The following HIPK3 variants were observed in gnomAD, a reference collection of about 807,000 sequenced individuals.
HIPK3 encodes the protein homeodomain-interacting protein kinase 3.
HIPK3 carries 47 observed loss-of-function variants against 124.2 expected under a neutral mutation model. The ratio of observed to expected loss-of-function variants is 0.38; its 90% CI spans 0.30 to 0.48. The LOEUF (loss-of-function observed/expected upper bound fraction) is 0.48, where lower values mean the gene tolerates loss of function less well. HIPK3 is among the 20% of genes least tolerant of loss of function. The probability of loss-of-function intolerance (pLI) is 0.98; values close to 1 mark genes in which losing one functional copy is unlikely to be tolerated. For missense variants in HIPK3, 1,286 were observed against 1,454.3 expected (o/e 0.88, Z 1.88); for synonymous variants, 482 against 515.2 (o/e 0.94, Z 0.87).
intron 1 of HIPK3, chr11:33,258,659 T>C (rs895488658): frequency 1.9e-5 from 19 of 985,220 alleles, no homozygotes; most frequent in Non-Finnish European, 2.2e-5. Flanking sequence ...TGTCTGTTTC[T>C]CTGTCGGGAG....
chr11:33,305,609 T>A (rs1852133790), intron 2 of HIPK3, among the ~76,000 whole-genome samples: 1 of 152,172 alleles, frequency 6.6e-6, no homozygotes, highest in Non-Finnish European at 1.5e-5. Context: ...GCTAATAAAC[T>A]GCAGAGCTAT....
intron 2 of HIPK3, among the ~76,000 whole-genome samples, chr11:33,300,021 CAAAAA>C (rs58435948): frequency 0.65 from 61,774 of 94,326 alleles, 17,829 homozygotes; most frequent in Middle Eastern, 0.68. Context: ...GACCCTGTCT[CAAAAA>C]AAAAAAAAAA....
intron 2 of HIPK3, among the ~76,000 whole-genome samples, chr11:33,314,963 G>A (rs1180694615): frequency 2.6e-5 from 4 of 151,956 alleles, no homozygotes. Flanking sequence ...ATTTTGTTAT[G>A]TCATACAATA....
chr11:33,334,507 T>C (rs1373861599), intron 3 of HIPK3, among the ~76,000 whole-genome samples: 8 of 152,168 alleles, frequency 5.3e-5, no homozygotes, highest in Admixed American at 5.2e-4. Flanking sequence ...TTGGAGGGCC[T>C]GTTTGCTAGG....
chr11:33,325,058 C>G (rs1852771364), intron 2 of HIPK3, among the ~76,000 whole-genome samples: 1 of 152,158 alleles, frequency 6.6e-6, no homozygotes, highest in Admixed American at 6.5e-5. Flanking sequence ...ACTTTTGTAT[C>G]TCAGGTTTTA....
intron 1 of HIPK3, among the ~76,000 whole-genome samples, chr11:33,267,707 C>T (rs1172807848): frequency 6.7e-6 from 1 of 149,306 alleles, no homozygotes; most frequent in Non-Finnish European, 1.5e-5. Flanking sequence ...TGTGTTAGCC[C>T]GGCTGGTCTC....
At chr11:33,298,887 C>T (rs1321133067) in intron 2 of HIPK3, among the ~76,000 whole-genome samples, 1 of 152,188 alleles carries the variant, frequency 6.6e-6, no homozygotes, top group Middle Eastern at 3.4e-3. Context: ...GTCTGTGTTG[C>T]CCAGGCTGGA....
chr11:33,322,143 GC>G (rs1852682345), intron 2 of HIPK3, among the ~76,000 whole-genome samples: 1 of 152,124 alleles, frequency 6.6e-6, no homozygotes. Context: ...GGGACTACAG[GC>G]GCTTGCCACC....
In HIPK3 at chr11:33,301,821, G is replaced by GACACACACACACACACACACACACACAC. The variant is rs143389257; in HGVS notation, c.1097+14317_1097+14344dup. Among the ~76,000 whole-genome samples the GACACACACACACACACACACACACACAC allele has an allele frequency of 5.9e-3, 750 of 127,478 alleles. 26 individuals are homozygous for GACACACACACACACACACACACACACAC. Among genetic ancestry groups the GACACACACACACACACACACACACACAC allele is most frequent in the Middle Eastern group, 0.012 (3 of 254 alleles). 83.6% of individuals were successfully genotyped at this position (127,478 alleles called of 152,430 possible). A position where few individuals can be genotyped will look rare whatever the true frequency, so the allele number is the denominator to read the frequency against. On this transcript the variant is annotated intron_variant, in intron 2 of 16. Transcript: ENST00000303296. ...TGGGCAACAGAGTGAAACCCTGTCT[G>GACACACACACACACACACACACACACAC]ACACACACACACACACACACACACA...
rs1322983621 is a variant in HIPK3, at chr11:33,258,613, C to T, written c.-3+724C>T. ...GGCTGCCGCCCGCTTCCCTTCGCCG[C>T]ACTGGGAGAACTGGCGGAAAGACTT... On this transcript the variant is annotated intron_variant, in intron 1 of 16. Coordinates refer to ENST00000303296, the MANE Select transcript of HIPK3 (RefSeq NM_005734.5). 5.1e-6 allele frequency: 5 copies of T among 985,422 alleles called. No individual in the cohort carries two copies. In the East Asian group the frequency reaches 4.5e-4, roughly 90 times the overall value. The allele number at this position is 985,422 out of a possible 1,614,324, so 61.0% of individuals were successfully genotyped here.
chr11:33,353,399 T>C lies in HIPK3; in HGVS notation c.3479T>C (p.Ile1160Thr), dbSNP rs749867079. 6.2e-7 allele frequency: 1 copy of C among 1,614,150 alleles called. No homozygotes were observed. The highest frequency in any genetic ancestry group is 2.2e-5 in the East Asian group (1 of 44,888). ...PTYNISHPSG[I>T]VHQVPVGLNP... ...TATAATATCTCCCATCCCAGTGGCA[T>C]AGTTCACCAAGTCCCAGTGGGCTTA... is the stretch of plus-strand genomic sequence containing the variant. The change falls in exon 17 of 17, where the codon ATA becomes ACA. Residue 1160 changes from isoleucine to threonine, a missense_variant. By Grantham distance (89) the Ile-to-Thr change is moderately conservative. Transcript: ENST00000303296.
At chr11:33,258,218 C>G (rs985456416) in intron 1 of HIPK3, 1 of 804,664 alleles carries the variant, frequency 1.2e-6, no homozygotes, top group African/African-American at 1.9e-5. Flanking sequence ...CCCCCTCCCC[C>G]TGCCAAGGTT....
chr11:33,279,964 C>T (rs1464767610), intron 1 of HIPK3, among the ~76,000 whole-genome samples: 1 of 152,110 alleles, frequency 6.6e-6, no homozygotes, highest in African/African-American at 2.4e-5. Context: ...CCAAAGTTCC[C>T]ACTTCTTAAT....
intron 2 of HIPK3, among the ~76,000 whole-genome samples, chr11:33,288,358 G>T (rs1226586975): frequency 3.9e-5 from 6 of 152,136 alleles, no homozygotes. Context: ...GGGAGGCTGA[G>T]GCAGGAGAAT....
At position 33,340,987 on chromosome 11, in the gene HIPK3, A is replaced by G. The variant is rs745902071; in HGVS notation, c.1633A>G (p.Ile545Val). ...TTACAGTGTAAAGTCCTGTTTTCAT[A>G]TTATGGATATTTGTAAGTCCCACCT... ...HSNHVKSCFHIMDICKSHLNS... is the reference protein window; with the variant it reads ...HSNHVKSCFHVMDICKSHLNS... Residue 545 changes from isoleucine to valine, a missense_variant, in exon 7 of 17, where the codon ATT becomes GTT. Ile to Val is a conservative substitution (Grantham distance 29, BLOSUM62 3). Transcript: ENST00000303296. The G allele has an allele frequency of 3.1e-6, 5 of 1,596,296 alleles. No individual in the cohort carries two copies. Among genetic ancestry groups the G allele is most frequent in the African/African-American group, 2.7e-5 (2 of 74,448 alleles).
intron 15 of HIPK3, 84 bp from the exon 16 acceptor site, chr11:33,352,054 T>C: frequency 1.5e-6 from 2 of 1,339,046 alleles, no homozygotes; most frequent in African/African-American, 2.9e-5. Context: ...CAAATCACTA[T>C]TGTGTAAAAT....
At chr11:33,265,772 C>CAAAAAAAAAAAAA (rs55837408) in intron 1 of HIPK3, among the ~76,000 whole-genome samples, 1 of 64,774 alleles carries the variant, frequency 1.5e-5, no homozygotes, top group Non-Finnish European at 2.8e-5. Context: ...GACCTTGTCT[C>CAAAAAAAAAAAAA]AAAAAAAAAA....
intron 1 of HIPK3, among the ~76,000 whole-genome samples, chr11:33,279,247 G>A (rs11032218): frequency 0.014 from 1,002 of 70,600 alleles, 9 homozygotes; most frequent in African/African-American, 0.058. Flanking sequence ...CTGGGAAGGC[G>A]GAGGTTGCAG....
At chr11:33,267,120 A>G (rs548215286) in intron 1 of HIPK3, among the ~76,000 whole-genome samples, 1 of 150,478 alleles carries the variant, frequency 6.6e-6, no homozygotes, top group South Asian at 2.1e-4. Context: ...AAACATTTCC[A>G]GCTTTTTGTT....
Sources: allele counts gnomAD v4.1 joint callset (sites outside exome capture counted in the v4.1 genomes callset), GRCh38; gene constraint gnomAD v4.1.1; transcripts MANE v1.5; gene names NCBI Gene and HGNC (gene_info 2026-07-23, HGNC 2026-07-21).